SUFU: variants seen among roughly 807,000 people sequenced by gnomAD.
SUFU encodes suppressor of fused homolog.
SUFU carries 7 observed loss-of-function variants against 58.9 expected under a neutral mutation model. The observed-to-expected ratio is 0.12, with a 90% CI of 0.07 to 0.22. The LOEUF (loss-of-function observed/expected upper bound fraction) is 0.22, where lower values mean the gene tolerates loss of function less well. Ranked by LOEUF, SUFU falls within the 10% of genes least tolerant of loss-of-function variation. The probability of loss-of-function intolerance (pLI) is 1.00; values close to 1 mark genes in which losing one functional copy is unlikely to be tolerated. For synonymous variants in SUFU, 232 were observed against 254.8 expected, an observed-to-expected ratio of 0.91 and a Z score of 0.85; for missense variants, 451 against 641.3, an observed-to-expected ratio of 0.70 and a Z score of 3.20.
At position 102,540,049 on chromosome 10, in the gene SUFU, G is replaced by T. The variant is rs556731722; in HGVS notation, c.318-9921G>T. Among the ~76,000 whole-genome samples, 30 of 152,146 alleles carry T rather than the reference G, an allele frequency of 2.0e-4. No homozygotes were observed. The South Asian group carries it at 4.2e-3, about 21-fold the overall frequency. On this transcript the variant is annotated intron_variant, in intron 2 of 11. Transcript: ENST00000369902. ...TGAGTTTGGCTTCTCTCTACTTTTGGCATGTTCCCATCATTCTCTGAACCA... is the reference window on the plus strand; with the variant it reads ...TGAGTTTGGCTTCTCTCTACTTTTGTCATGTTCCCATCATTCTCTGAACCA...
At chr10:102,622,559 A>G (rs1291820853) in intron 10 of SUFU, among the ~76,000 whole-genome samples, 5 of 152,076 alleles carry the variant, frequency 3.3e-5, no homozygotes, top group Admixed American at 6.6e-5. Flanking sequence ...TGGCTAACAC[A>G]GTAAAACCCC....
At position 102,593,701 on chromosome 10, in the gene SUFU, G is replaced by T. The variant is rs759900608; in HGVS notation, c.663G>T (p.Glu221Asp). ...AQQWNGQGILELLRTVPIAGG... is the reference protein window; with the variant it reads ...AQQWNGQGILDLLRTVPIAGG... ...AGTGGAACGGGCAGGGCATCCTGGA[G>T]CTGCTGCGGACAGTGCCTATGTGAG... Residue 221 changes from glutamate to aspartate, a missense_variant, in exon 5 of 12, where the codon GAG becomes GAT. Coordinates refer to ENST00000369902, the MANE Select transcript of SUFU (RefSeq NM_016169.4). 1.2e-6 allele frequency: 2 copies of T among 1,614,102 alleles called. No individual in the cohort carries two copies. The highest frequency in any genetic ancestry group is 2.7e-5 in the African/African-American group (2 of 74,940).
chr10:102,593,587 G>A, intron 4 of SUFU, 49 bp from the exon 5 acceptor site: 2 of 1,591,970 alleles, frequency 1.3e-6, no homozygotes, highest in South Asian at 1.1e-5. Context: ...CCTTCTTGGG[G>A]TGGGGGGTGG....
intron 3 of SUFU, among the ~76,000 whole-genome samples, chr10:102,555,065 A>G (rs534361356): frequency 1.4e-3 from 216 of 152,216 alleles, no homozygotes; most frequent in Admixed American, 1.7e-3. Context: ...TCAGGAGATC[A>G]AGACCATCCT....
At chr10:102,611,182 G>T (rs1342569362) in intron 8 of SUFU, among the ~76,000 whole-genome samples, 1 of 152,224 alleles carries the variant, frequency 6.6e-6, no homozygotes, top group African/African-American at 2.4e-5. Flanking sequence ...CTAGTTAAAA[G>T]TTAGAGCCAC....
chr10:102,596,214 G>C (rs953058296), intron 6 of SUFU, among the ~76,000 whole-genome samples: 1 of 152,162 alleles, frequency 6.6e-6, no homozygotes, highest in Non-Finnish European at 1.5e-5. Context: ...GGGCTTCTGG[G>C]CTGATCAGCA....
intron 2 of SUFU, among the ~76,000 whole-genome samples, chr10:102,528,874 C>G (rs1309505863): frequency 6.6e-6 from 1 of 151,596 alleles, no homozygotes; most frequent in Non-Finnish European, 1.5e-5. Context: ...AGTTGCAACT[C>G]AAAGGTGGCT....
chr10:102,630,864 GCA>G lies in SUFU; in HGVS notation c.*712_*713del, dbSNP rs1397583469. 4.2e-6 allele frequency: 1 copy of G among 236,046 alleles called. No homozygotes were observed. Among genetic ancestry groups the G allele is most frequent in the Non-Finnish European group, 8.3e-6 (1 of 120,054 alleles). 14.6% of individuals were successfully genotyped at this position (236,046 alleles called of 1,614,324 possible). On this transcript the variant is annotated 3_prime_UTR_variant, in exon 12 of 12. Coordinates refer to ENST00000369902, the MANE Select transcript of SUFU (RefSeq NM_016169.4). The stretch of plus-strand genomic sequence containing the variant: ...GCCCAGAGCCCTGGAGGAGCCGGCT[GCA>G]CAGAGAGGCTTTTCTTCCCAGCTGG...
At chr10:102,559,197 A>G (rs2063010155) in intron 3 of SUFU, among the ~76,000 whole-genome samples, 1 of 152,220 alleles carries the variant, frequency 6.6e-6, no homozygotes, top group Non-Finnish European at 1.5e-5. Context: ...AAACCTCCAC[A>G]GAACCGCCCT....
Position 102,632,246 on chromosome 10 carries a change from G to A in SUFU, c.*2091G>A, listed in dbSNP as rs944862344. On this transcript the variant is annotated 3_prime_UTR_variant, in exon 12 of 12. Transcript: ENST00000369902. ...CAGCAACCTGCCCCAGACCTGGAGG[G>A]TCTTTGTGGACTGAAGGTAGACACC... 13 of 233,220 alleles carry A rather than the reference G, an allele frequency of 5.6e-5. No individual in the cohort carries two copies. Among genetic ancestry groups the A allele is most frequent in the Non-Finnish European group, 7.6e-5 (9 of 118,108 alleles). 14.4% of individuals were successfully genotyped at this position (233,220 alleles called of 1,614,324 possible). A position where few individuals can be genotyped will look rare whatever the true frequency, so the allele number is the denominator to read the frequency against.
At chr10:102,575,257 G>T (rs2063202886) in intron 3 of SUFU, among the ~76,000 whole-genome samples, 1 of 152,160 alleles carries the variant, frequency 6.6e-6, no homozygotes, top group African/African-American at 2.4e-5. Context: ...TGCCAGTGGT[G>T]CCATTTTAGT....
chr10:102,615,232 C>G (rs780518466), intron 8 of SUFU, 36 bp from the exon 9 acceptor site: 6 of 1,613,896 alleles, frequency 3.7e-6, no homozygotes, highest in Admixed American at 1.7e-5. Context: ...GAGCTTTTCA[C>G]CTTGTGCCGA....
rs186115310 is a variant in SUFU at position 102,572,482 on chromosome 10, C to T, written c.455-20100C>T. On this transcript the variant is annotated intron_variant, in intron 3 of 11. Coordinates refer to ENST00000369902, the MANE Select transcript of SUFU (RefSeq NM_016169.4). ...TTGGCTCACTACAACCTCTGCCACC[C>T]GGGTTCAAGCAATTCTCCTGCCCCA... Among the ~76,000 whole-genome samples the T allele has an allele frequency of 6.6e-5, 10 of 151,156 alleles. No homozygotes were observed. In the East Asian group the frequency reaches 7.8e-4, roughly 12 times the overall value.
chr10:102,542,872 G>C (rs1253719027), intron 2 of SUFU, among the ~76,000 whole-genome samples: 1 of 151,980 alleles, frequency 6.6e-6, no homozygotes, highest in African/African-American at 2.4e-5. Flanking sequence ...CAATCTACCG[G>C]CTTTGGCCTC....
In SUFU at chr10:102,615,425, A is replaced by G. The variant is rs376941906; in HGVS notation, c.1157+23A>G. The G allele has an allele frequency of 1.3e-4, 210 of 1,613,716 alleles. No homozygotes were observed. The highest frequency in any genetic ancestry group is 1.3e-4 in the Non-Finnish European group (150 of 1,179,818). On this transcript the variant is annotated intron_variant, in intron 9 of 11. Transcript: ENST00000369902. ...AAGGTGAGCGAGACAGCCCTGCCAC[A>G]CAGTTTACCCCACAGCACCCAGCTC...
At chr10:102,572,947 T>C (rs1045497454) in intron 3 of SUFU, 4 of 1,218,062 alleles carry the variant, frequency 3.3e-6, no homozygotes, top group South Asian at 1.2e-5. Flanking sequence ...CACAAGTGTG[T>C]TGTTGTCTTC....
At chr10:102,516,557 T>C (rs968860971) in intron 2 of SUFU, among the ~76,000 whole-genome samples, 1 of 151,986 alleles carries the variant, frequency 6.6e-6, no homozygotes, top group African/African-American at 2.4e-5. Context: ...AACTCAATTT[T>C]CTTTTTTTTG....
chr10:102,523,357 C>T (rs1448385490), intron 2 of SUFU, among the ~76,000 whole-genome samples: 1 of 152,198 alleles, frequency 6.6e-6, no homozygotes, highest in East Asian at 1.9e-4. Context: ...GTTTCTCTTA[C>T]TCTGACCTCA....
At chr10:102,503,953 C>T (rs1026741730), upstream of SUFU, 68 of 699,064 alleles carry the variant, frequency 9.7e-5, no homozygotes, top group Admixed American at 7.1e-4. Flanking sequence ...CGCCCCGCCG[C>T]CCCGAGGCAC....
Sources: gnomAD v4.1 joint callset for allele counts (sites outside exome capture counted in the v4.1 genomes callset) on GRCh38, gnomAD v4.1.1 for gene constraint, MANE v1.5 for transcripts, NCBI Gene and HGNC (gene_info 2026-07-23, HGNC 2026-07-21) for gene names.